RUNX3: variants seen among roughly 807,000 people sequenced by gnomAD.
RUNX3 encodes the protein RUNX family transcription factor 3.
In RUNX3, 10 loss-of-function variants were observed where a neutral mutation model predicts 27.7. The ratio of observed to expected loss-of-function variants is 0.36; its 90% confidence interval spans 0.22 to 0.61. The LOEUF (loss-of-function observed/expected upper bound fraction) is 0.61. Among genes scored for constraint, RUNX3 ranks in the 20% least tolerant of loss-of-function variants. RUNX3 has a pLI of 0.72. For missense variants in RUNX3, 469 were observed against 629.5 expected, an observed-to-expected ratio of 0.75 and a Z score of 2.73; for synonymous variants, 270 against 269.2, an observed-to-expected ratio of 1.00 and a Z score of -0.03.
intron 2 of RUNX3, among the ~76,000 whole-genome samples, chr1:24,960,326 G>T (rs951615921): frequency 2.6e-5 from 4 of 152,218 alleles, no homozygotes; most frequent in African/African-American, 9.6e-5. Context: ...TGCAAGGTTG[G>T]TGTAACCCCT....
In RUNX3 at chr1:24,923,372, C is replaced by T. The variant is rs1350594790; in HGVS notation, c.440-4028G>A. Among the ~76,000 whole-genome samples, 2 of 152,180 alleles carry T rather than the reference C, an allele frequency of 1.3e-5. No homozygotes were observed. The highest frequency in any genetic ancestry group is 1.5e-5 in the Non-Finnish European group (1 of 68,022). On this transcript the variant is annotated intron_variant, in intron 2 of 4. Transcript: ENST00000308873. This position sits in a 1 kb window ranked among gnomAD's most constrained non-coding sequence, Gnocchi z 5.9. ...CTACCCCGGCCCTGCCCAGCTCTCT[C>T]TCTGCCTGGCAGTGGCAAACCCATC...
At chr1:24,913,200 C>T (rs932430337) in intron 3 of RUNX3, among the ~76,000 whole-genome samples, 8 of 152,240 alleles carry the variant, frequency 5.3e-5, no homozygotes, top group Non-Finnish European at 1.0e-4. Flanking sequence ...CGCGTTGGCC[C>T]TCAGGGCCTG....
chr1:24,929,706 T>C lies in RUNX3; in HGVS notation c.163A>G (p.Met55Val), dbSNP rs1461801383. ...GGRARPEVRS[M>V]VDVLADHAGE... ...GCGTGGTCCGCCAGCACGTCCACCA[T>C]CGAGCGCACCTCGGGCCGGGCGCGC... Residue 55 changes from methionine to valine, a missense_variant, in exon 1 of 5, where the codon ATG becomes GTG. This residue lies in a region of RUNX3 where 115 missense variants were observed against 118.0 expected (regional missense o/e 0.97). Coordinates refer to ENST00000308873, the MANE Select transcript of RUNX3 (RefSeq NM_004350.3). The C allele has an allele frequency of 6.4e-7, 1 of 1,554,848 alleles. No individual in the cohort carries two copies. Among genetic ancestry groups the C allele is most frequent in the East Asian group, 2.5e-5 (1 of 39,678 alleles).
At chr1:24,950,795 T>A (rs920999783) in intron 2 of RUNX3, among the ~76,000 whole-genome samples, 1 of 152,090 alleles carries the variant, frequency 6.6e-6, no homozygotes, top group Non-Finnish European at 1.5e-5. Flanking sequence ...GCAGTAGGCC[T>A]GGGCATGACC....
rs906442012 is a variant in RUNX3, at chr1:24,904,612, T to C, written c.704-1946A>G. On this transcript the variant is annotated intron_variant, in intron 4 of 4. Coordinates refer to ENST00000308873, the MANE Select transcript of RUNX3 (RefSeq NM_004350.3). The surrounding 1 kb of genome is among the most constrained non-coding windows in gnomAD (Gnocchi z 5.7). ...AGATGGGTGGGGTGGAAGTGGGTGC[T>C]GGCCGCCTGATGGGAACCCCATTCT... Among the ~76,000 whole-genome samples the C allele has an allele frequency of 2.0e-5, 3 of 152,084 alleles. No individual in the cohort carries two copies. The highest frequency in any genetic ancestry group is 2.0e-4 in the Admixed American group (3 of 15,282).
upstream of RUNX3, among the ~76,000 whole-genome samples, chr1:24,932,294 C>T (rs1044299031): frequency 6.7e-5 from 8 of 119,450 alleles, no homozygotes; most frequent in Non-Finnish European, 9.8e-5. Flanking sequence ...GCTGGCTCCC[C>T]GTGGGCACCA....
intron 3 of RUNX3, among the ~76,000 whole-genome samples, chr1:24,908,575 A>T (rs1308399328): frequency 2.0e-5 from 3 of 152,098 alleles, no homozygotes; most frequent in African/African-American, 7.2e-5. Context: ...CTGAGGCAGG[A>T]GGATCACTTG....
Position 24,949,960 on chromosome 1 carries a change from C to T in RUNX3, c.58+14554G>A, listed in dbSNP as rs373932237. ...CTGCAGCCTCCTCTTTTTGCCTGGGCCCTGGAACCCCAGGAGACCCCAGGA... is the reference window on the plus strand; with the variant it reads ...CTGCAGCCTCCTCTTTTTGCCTGGGTCCTGGAACCCCAGGAGACCCCAGGA... On this transcript the variant is annotated intron_variant, in intron 2 of 6. Coordinates refer to the RUNX3 transcript ENST00000338888. 6.6e-5 allele frequency among the ~76,000 whole-genome samples: 10 copies of T among 152,310 alleles called. No individual in the cohort carries two copies. In the East Asian group the frequency reaches 1.5e-3, roughly 24 times the overall value.
chr1:24,930,371 C>T, upstream of RUNX3: 1 of 353,512 alleles, frequency 2.8e-6, no homozygotes, highest in Non-Finnish European at 4.0e-6. This position sits in a 1 kb window ranked among gnomAD's most constrained non-coding sequence, Gnocchi z 4.1. Context: ...GCGGAGCCCC[C>T]ATCGCGGGCA....
intron 2 of RUNX3, among the ~76,000 whole-genome samples, chr1:24,956,113 G>C (rs1641916421): frequency 6.6e-6 from 1 of 152,240 alleles, no homozygotes; most frequent in African/African-American, 2.4e-5. Context: ...CAGAGCCAAG[G>C]AGGCAGGTGA....
In RUNX3 at chr1:24,900,703, C is replaced by G. The variant is rs1338068474; in HGVS notation, c.*1419G>C. 1 of 152,484 alleles carries G rather than the reference C, an allele frequency of 6.6e-6. No homozygotes were observed. The allele number at this position is 152,484 out of a possible 1,614,324, so 9.4% of individuals were successfully genotyped here. On this transcript the variant is annotated 3_prime_UTR_variant, in exon 5 of 5. Transcript: ENST00000308873. Reference sequence around the variant, plus strand: ...GCCCACCTCCGCCCAGCCTCCTGGACAGATGTCCTAGAGCCACAGAGGAGA... The same window carrying G: ...GCCCACCTCCGCCCAGCCTCCTGGAGAGATGTCCTAGAGCCACAGAGGAGA...
At chr1:24,932,650 A>C (rs1433216415), upstream of RUNX3, among the ~76,000 whole-genome samples, 4 of 152,190 alleles carry the variant, frequency 2.6e-5, no homozygotes, top group Admixed American at 2.6e-4. Flanking sequence ...CACCCGGGGA[A>C]GACCCACAGA....
In RUNX3 at chr1:24,916,151, C is replaced by T. The variant is rs553921733; in HGVS notation, c.544+3089G>A. On this transcript the variant is annotated intron_variant, in intron 3 of 4. Transcript: ENST00000308873. The surrounding 1 kb of genome is among the most constrained non-coding windows in gnomAD (Gnocchi z 4.8). ...CCCCTACTCCCACTTCACCCCACAG[C>T]GGGCTCAGATTTCAGAGGGTCGGAG... is the stretch of plus-strand genomic sequence containing the variant. Among the ~76,000 whole-genome samples, 129 of 152,284 alleles carry T rather than the reference C, an allele frequency of 8.5e-4. No individual in the cohort carries two copies. The highest frequency in any genetic ancestry group is 1.5e-3 in the Non-Finnish European group (103 of 68,030).
At chr1:24,909,973 C>T (rs2124259982) in intron 3 of RUNX3, among the ~76,000 whole-genome samples, 1 of 152,292 alleles carries the variant, frequency 6.6e-6, no homozygotes, top group African/African-American at 2.4e-5. Context: ...GGTGGGATTT[C>T]CTGGACCTGG....
intron 2 of RUNX3, among the ~76,000 whole-genome samples, chr1:24,922,748 C>T (rs1379729144): frequency 7.9e-6 from 1 of 127,110 alleles, no homozygotes; most frequent in Admixed American, 9.6e-5. Context: ...GAAAGGTGTG[C>T]GGGCTTCACC....
rs113678328 is a variant in RUNX3 at position 24,907,789 on chromosome 1, A to G, written c.545-372T>C. On this transcript the variant is annotated intron_variant, in intron 3 of 4. Transcript: ENST00000308873. ...GCGGTGATCTAAACCTCTACAACAC[A>G]CGGTGATCCAAACCTCTACAACACA... Among the ~76,000 whole-genome samples, 462 of 140,352 alleles carry G rather than the reference A, an allele frequency of 3.3e-3. 3 individuals are homozygous for G. The highest frequency in any genetic ancestry group is 0.012 in the African/African-American group (425 of 36,794). The allele number at this position is 140,352 out of a possible 152,430, so 92.1% of individuals were successfully genotyped here.
At chr1:24,958,924 T>A (rs900969342) in intron 2 of RUNX3, among the ~76,000 whole-genome samples, 2 of 152,146 alleles carry the variant, frequency 1.3e-5, no homozygotes, top group Non-Finnish European at 2.9e-5. Context: ...AGTCTGCAGA[T>A]AAGGCATCCC....
Position 24,962,460 on chromosome 1 carries a change from C to T in RUNX3, c.58+2054G>A, listed in dbSNP as rs1425795610. 2.0e-5 allele frequency among the ~76,000 whole-genome samples: 3 copies of T among 152,222 alleles called. No homozygotes were observed. Among genetic ancestry groups the T allele is most frequent in the Non-Finnish European group, 4.4e-5 (3 of 68,042 alleles). Reference sequence around the variant, plus strand: ...CCCTGCAAATGGGACCCTGGGGCTGCGTCTCTTTGAGGAAGGAATTGGCAG... The same window carrying T: ...CCCTGCAAATGGGACCCTGGGGCTGTGTCTCTTTGAGGAAGGAATTGGCAG... On this transcript the variant is annotated intron_variant, in intron 2 of 6. Transcript: ENST00000338888. The surrounding 1 kb of genome is among the most constrained non-coding windows in gnomAD (Gnocchi z 4.5).
At chr1:24,942,462 T>C (rs1641501500) in intron 2 of RUNX3, among the ~76,000 whole-genome samples, 1 of 152,050 alleles carries the variant, frequency 6.6e-6, no homozygotes, top group Admixed American at 6.5e-5. Context: ...AGAGAGTGAC[T>C]GGGTGGATGG....
Sources: allele counts gnomAD v4.1 joint callset (sites outside exome capture counted in the v4.1 genomes callset), GRCh38; gene constraint gnomAD v4.1.1; regional missense constraint gnomAD v4.1.1; non-coding constraint Gnocchi (gnomAD v3.1); transcripts MANE v1.5; gene names NCBI Gene and HGNC (gene_info 2026-07-23, HGNC 2026-07-21).